The following AKAP19 variants were observed in gnomAD, a reference collection of about 807,000 sequenced individuals.
The protein encoded by AKAP19 is A-kinase anchoring protein 19, also known as small A-kinase anchoring protein.
the AKAP19 span, among the ~76,000 whole-genome samples, chr2:190,038,971 T>C: frequency 1.0e-5 from 1 of 99,026 alleles, no homozygotes; most frequent in African/African-American, 3.8e-5. Flanking sequence ...CTTCTTCTTC[T>C]TTCTTCTTCT....
At chr2:189,986,944 G>A in the AKAP19 span, among the ~76,000 whole-genome samples, 2 of 151,944 alleles carry the variant, frequency 1.3e-5, no homozygotes, top group Non-Finnish European at 2.9e-5. Flanking sequence ...GAAAGAAGGA[G>A]ACAGGAAGCC....
At chr2:190,119,794 T>A in the AKAP19 span, among the ~76,000 whole-genome samples, 1 of 151,874 alleles carries the variant, frequency 6.6e-6, no homozygotes, top group African/African-American at 2.4e-5. Flanking sequence ...AAACAGATAT[T>A]TGAAAGAAAA....
At chr2:190,107,172 G>A in the AKAP19 span, among the ~76,000 whole-genome samples, 1 of 151,890 alleles carries the variant, frequency 6.6e-6, no homozygotes, top group African/African-American at 2.4e-5. Flanking sequence ...AGAGGAGGGT[G>A]ATGTAGTGGA....
At chr2:189,930,406 G>T in the AKAP19 span, 1 of 298,734 alleles carries the variant, frequency 3.3e-6, no homozygotes, top group African/African-American at 2.2e-5. Flanking sequence ...GGCTGGGCGC[G>T]GTGGCTTCAC....
the AKAP19 span, among the ~76,000 whole-genome samples, chr2:190,041,641 G>C: frequency 6.6e-5 from 10 of 152,030 alleles, no homozygotes; most frequent in African/African-American, 2.4e-4. Flanking sequence ...TCAGTATGTT[G>C]GCTGTGGTTT....
At chr2:190,196,469 T>G in the AKAP19 span, among the ~76,000 whole-genome samples, 1 of 152,034 alleles carries the variant, frequency 6.6e-6, no homozygotes, top group Non-Finnish European at 1.5e-5. Flanking sequence ...TTGGGTATAC[T>G]TAAATAGCTA....
the AKAP19 span, among the ~76,000 whole-genome samples, chr2:189,968,559 T>C: frequency 2.6e-5 from 4 of 152,298 alleles, no homozygotes; most frequent in East Asian, 7.7e-4. Flanking sequence ...TAGTTACATA[T>C]TTTTTACTGT....
chr2:190,021,117 C>T, the AKAP19 span, among the ~76,000 whole-genome samples: 4 of 152,288 alleles, frequency 2.6e-5, no homozygotes, highest in Admixed American at 2.6e-4. Flanking sequence ...ATTTGAGTCC[C>T]TGCTTTCAAT....
chr2:190,027,551 A>G, the AKAP19 span, among the ~76,000 whole-genome samples: 1 of 152,206 alleles, frequency 6.6e-6, no homozygotes, highest in Non-Finnish European at 1.5e-5. Context: ...TGTGACCTTT[A>G]TGGCAGCTGG....
the AKAP19 span, among the ~76,000 whole-genome samples, chr2:190,128,067 G>A: frequency 6.6e-6 from 1 of 152,070 alleles, no homozygotes. Context: ...AAAATGTGAG[G>A]GTGGCACTCA....
the AKAP19 span, among the ~76,000 whole-genome samples, chr2:190,102,525 T>C: frequency 6.6e-6 from 1 of 151,634 alleles, no homozygotes; most frequent in Non-Finnish European, 1.5e-5. Flanking sequence ...CCTACAGAAA[T>C]ACAAAAGATT....
At chr2:189,983,034 T>C in the AKAP19 span, among the ~76,000 whole-genome samples, 1 of 152,094 alleles carries the variant, frequency 6.6e-6, no homozygotes, top group African/African-American at 2.4e-5. Flanking sequence ...AGGCTAATGT[T>C]GAGTGGAAGC....
At chr2:190,012,538 A>G in the AKAP19 span, among the ~76,000 whole-genome samples, 1 of 152,186 alleles carries the variant, frequency 6.6e-6, no homozygotes, top group Non-Finnish European at 1.5e-5. Context: ...GGTTTTCTGA[A>G]TATAAGAGCA....
the AKAP19 span, among the ~76,000 whole-genome samples, chr2:189,882,413 A>G: frequency 6.6e-6 from 1 of 152,142 alleles, no homozygotes; most frequent in East Asian, 1.9e-4. Context: ...GCTTGCTTTT[A>G]TACATTTTAG....
the AKAP19 span, among the ~76,000 whole-genome samples, chr2:190,064,012 T>C: frequency 2.0e-5 from 3 of 152,162 alleles, no homozygotes; most frequent in African/African-American, 4.8e-5. Flanking sequence ...ATTACTTTTT[T>C]TTTCCAAGAG....
At chr2:190,016,760 A>T in the AKAP19 span, among the ~76,000 whole-genome samples, 5,238 of 152,274 alleles carry the variant, frequency 0.034, 286 homozygotes, top group African/African-American at 0.12. Flanking sequence ...GTATATTTCA[A>T]TGCAGTTGAA....
the AKAP19 span, among the ~76,000 whole-genome samples, chr2:190,046,165 G>A: frequency 2.6e-5 from 4 of 152,160 alleles, no homozygotes. Context: ...TTCAGTTGAG[G>A]TGCTGTATTT....
At chr2:190,048,800 A>T in the AKAP19 span, among the ~76,000 whole-genome samples, 3 of 152,208 alleles carry the variant, frequency 2.0e-5, no homozygotes, top group Non-Finnish European at 4.4e-5. Flanking sequence ...TCTACATTTT[A>T]TATCAGCAGG....
chr2:190,175,710 G>C, the AKAP19 span, among the ~76,000 whole-genome samples: 9 of 152,164 alleles, frequency 5.9e-5, no homozygotes, highest in Admixed American at 5.9e-4. Context: ...GTGACATAAT[G>C]AGTAAGACTA....
Sources: allele counts gnomAD v4.1 joint callset (sites outside exome capture counted in the v4.1 genomes callset), GRCh38; gene constraint gnomAD v4.1.1; transcripts MANE v1.5; gene names NCBI Gene and HGNC (gene_info 2026-07-23, HGNC 2026-07-21).